The following NLGN1 variants were observed in gnomAD, a reference collection of about 807,000 sequenced individuals.
NLGN1 encodes neuroligin 1.
Under a neutral mutation model 65.5 loss-of-function variants are expected in NLGN1, and 12 were observed. The ratio of observed to expected loss-of-function variants is 0.18; its 90% confidence interval spans 0.12 to 0.30. NLGN1 has a LOEUF of 0.30. NLGN1 is among the 10% of genes least tolerant of loss of function. NLGN1 has a pLI of 1.00. For synonymous variants in NLGN1, 350 were observed against 359.5 expected, an observed-to-expected ratio of 0.97 and a Z score of 0.30; for missense variants, 750 against 1,007.1, an observed-to-expected ratio of 0.74 and a Z score of 3.46.
intron 4 of NLGN1, among the ~76,000 whole-genome samples, chr3:174,165,216 C>G (rs1727277745): frequency 6.6e-6 from 1 of 151,990 alleles, no homozygotes. Context: ...ATTCCTCTGG[C>G]TAGCATTTCC....
chr3:173,482,594 G>A (rs142432269), intron 2 of NLGN1, among the ~76,000 whole-genome samples: 2 of 151,352 alleles, frequency 1.3e-5, no homozygotes, highest in South Asian at 2.1e-4. Context: ...TTTTAACATG[G>A]TCTCTTAATT....
At chr3:173,966,478 A>G (rs1714893635) in intron 4 of NLGN1, among the ~76,000 whole-genome samples, 1 of 152,256 alleles carries the variant, frequency 6.6e-6, no homozygotes. Context: ...AAGAAAGTAC[A>G]TGAATTATTT....
chr3:174,194,766 A>C (rs1733064356), intron 4 of NLGN1, among the ~76,000 whole-genome samples: 1 of 150,196 alleles, frequency 6.7e-6, no homozygotes, highest in South Asian at 2.1e-4. Flanking sequence ...GTTGGGATAA[A>C]GAAAATATAA....
chr3:174,197,642 A>G (rs1283157961), intron 4 of NLGN1, among the ~76,000 whole-genome samples: 2 of 151,938 alleles, frequency 1.3e-5, no homozygotes, highest in African/African-American at 4.8e-5. Context: ...TGAGGACAAT[A>G]CTTTTCTAAA....
chr3:174,217,782 C>T lies in NLGN1; in HGVS notation c.647-57533C>T, dbSNP rs80176758. Among the ~76,000 whole-genome samples, 753 of 151,806 alleles carry T rather than the reference C, an allele frequency of 5.0e-3. 4 individuals are homozygous for T. Among genetic ancestry groups the T allele is most frequent in the Admixed American group, 8.6e-3 (131 of 15,240 alleles). ...AGGGTGAAGGCACCTAGAATGAAGT[C>T]GATATAGCAGGCTCAAGTAAGGCGT... On this transcript the variant is annotated intron_variant, in intron 4 of 6. Transcript: ENST00000457714.
intron 4 of NLGN1, among the ~76,000 whole-genome samples, chr3:174,271,361 A>T (rs1749369176): frequency 6.6e-6 from 1 of 151,526 alleles, no homozygotes; most frequent in Admixed American, 6.6e-5. Flanking sequence ...ATTGTAAGAG[A>T]CCTAAGTATA....
chr3:173,679,188 G>A (rs1250589463), intron 3 of NLGN1, among the ~76,000 whole-genome samples: 1 of 151,064 alleles, frequency 6.6e-6, no homozygotes, highest in African/African-American at 2.4e-5. Context: ...TTGATGAACA[G>A]CAAATAGATT....
intron 4 of NLGN1, among the ~76,000 whole-genome samples, chr3:174,241,990 A>C (rs1049901430): frequency 6.6e-6 from 1 of 152,190 alleles, no homozygotes; most frequent in Non-Finnish European, 1.5e-5. Context: ...GATGTGTGCC[A>C]GCAGAGCACA....
chr3:174,053,708 C>G (rs1735410398), intron 4 of NLGN1, among the ~76,000 whole-genome samples: 1 of 151,884 alleles, frequency 6.6e-6, no homozygotes, highest in Non-Finnish European at 1.5e-5. Context: ...TGTGTCTACT[C>G]TCTTTTCCTA....
rs114998261 is a variant in NLGN1, at chr3:173,488,342, T to C, written c.-321+53264T>C. Reference sequence around the variant, plus strand: ...TGTTCATATTCTTGGCCATTATTTTTTTCTCTATGTGGACATATTTTTCTA... The same window carrying C: ...TGTTCATATTCTTGGCCATTATTTTCTTCTCTATGTGGACATATTTTTCTA... On this transcript the variant is annotated intron_variant, in intron 2 of 6. Coordinates refer to ENST00000457714, the Ensembl canonical transcript of NLGN1. Among the ~76,000 whole-genome samples, 515 of 152,164 alleles carry C rather than the reference T, an allele frequency of 3.4e-3. 2 individuals are homozygous for C. Among genetic ancestry groups the C allele is most frequent in the African/African-American group, 0.011 (457 of 41,566 alleles).
At chr3:173,964,360 C>A (rs116171937) in intron 4 of NLGN1, among the ~76,000 whole-genome samples, 75 of 152,294 alleles carry the variant, frequency 4.9e-4, no homozygotes, top group African/African-American at 1.8e-3. Context: ...TTAGGGTTAT[C>A]TACTGCAACA....
chr3:173,922,653 A>G (rs1470391361), intron 4 of NLGN1, among the ~76,000 whole-genome samples: 4 of 152,156 alleles, frequency 2.6e-5, no homozygotes, highest in East Asian at 3.9e-4. Context: ...AATGGAGGAG[A>G]TGGAAGATTT....
chr3:174,173,538 A>G (rs1444081822), intron 4 of NLGN1, among the ~76,000 whole-genome samples: 1 of 151,974 alleles, frequency 6.6e-6, no homozygotes, highest in Non-Finnish European at 1.5e-5. Context: ...AGGGATATGA[A>G]TTTTATGAAA....
At chr3:173,804,424 GTT>G (rs2150427372) in intron 3 of NLGN1, among the ~76,000 whole-genome samples, 1 of 152,014 alleles carries the variant, frequency 6.6e-6, no homozygotes, top group South Asian at 2.1e-4. Flanking sequence ...ATATGTAAAG[GTT>G]TAAAGAGACA....
At chr3:174,225,154 C>G (rs553014924) in intron 4 of NLGN1, among the ~76,000 whole-genome samples, 1 of 152,140 alleles carries the variant, frequency 6.6e-6, no homozygotes, top group Non-Finnish European at 1.5e-5. Flanking sequence ...AATATTCTCA[C>G]GAAATCCCAA....
intron 3 of NLGN1, among the ~76,000 whole-genome samples, chr3:173,749,384 T>G (rs1156752804): frequency 6.6e-6 from 1 of 152,050 alleles, no homozygotes; most frequent in African/African-American, 2.4e-5. Context: ...GTTTCCTCAT[T>G]TATAAAATGA....
At chr3:173,493,643 A>G (rs949367973) in intron 2 of NLGN1, among the ~76,000 whole-genome samples, 5 of 151,874 alleles carry the variant, frequency 3.3e-5, no homozygotes, top group Admixed American at 3.3e-4. Flanking sequence ...GTCATAACTT[A>G]TATATTACAG....
chr3:173,928,672 A>ATT (rs34589178), intron 4 of NLGN1, among the ~76,000 whole-genome samples: 2,226 of 134,482 alleles, frequency 0.017, 99 homozygotes, highest in East Asian at 0.15. Flanking sequence ...GACATAGTTA[A>ATT]TTTTTTTTTT....
intron 4 of NLGN1, chr3:173,915,023 T>C (rs987753683): frequency 1.3e-5 from 2 of 152,176 alleles, no homozygotes; most frequent in Non-Finnish European, 2.9e-5. Context: ...TATGACAATG[T>C]TTTCTTTTTA....
Sources: allele counts gnomAD v4.1 joint callset (sites outside exome capture counted in the v4.1 genomes callset), GRCh38; gene constraint gnomAD v4.1.1; transcripts MANE v1.5; gene names NCBI Gene and HGNC (gene_info 2026-07-23, HGNC 2026-07-21).